The following VKORC1L1 variants were observed in gnomAD, a reference collection of about 807,000 sequenced individuals.
The protein encoded by VKORC1L1 is vitamin K epoxide reductase complex subunit 1-like protein 1.
A neutral mutation model predicts 18.9 loss-of-function variants in VKORC1L1; 2 were observed. That is an observed-to-expected ratio of 0.11 (90% CI 0.04 to 0.33). The LOEUF (loss-of-function observed/expected upper bound fraction) is 0.33, where lower values mean the gene tolerates loss of function less well. VKORC1L1 is among the 10% of genes least tolerant of loss of function. The pLI is 1.00. For missense variants in VKORC1L1, 123 were observed against 224.1 expected (o/e 0.55, Z 2.88); for synonymous variants, 96 against 100.0 (o/e 0.96, Z 0.24).
chr7:65,885,552 CTGAGCTCTTTTAGTT>C (rs1788997444), intron 1 of VKORC1L1, among the ~76,000 whole-genome samples: 2 of 151,644 alleles, frequency 1.3e-5, no homozygotes, highest in Admixed American at 6.6e-5. Flanking sequence ...TTTTTTCACA[CTGAGCTCTTTTAGTT>C]TGTATGGAAT....
chr7:65,949,104 T>C (rs1334607296), intron 2 of VKORC1L1, among the ~76,000 whole-genome samples: 2 of 152,170 alleles, frequency 1.3e-5, no homozygotes, highest in African/African-American at 4.8e-5. Context: ...ATATCATATA[T>C]TAAGGGGACA....
At chr7:65,944,929 AAAG>A (rs1344016336) in intron 1 of VKORC1L1, among the ~76,000 whole-genome samples, 5 of 152,078 alleles carry the variant, frequency 3.3e-5, no homozygotes, top group African/African-American at 1.2e-4. Flanking sequence ...AAAAAAAAAA[AAAG>A]CAACATTCTG....
Position 65,873,140 on chromosome 7 carries a change from C to A in VKORC1L1, c.-232C>A. ...TCCACCCCCTCCCTCCGCGCCCGCG[C>A]GCGCCTTCCCCGCCCCGTCCGCCTC... On this transcript the variant is annotated 5_prime_UTR_variant, in exon 1 of 3. Transcript: ENST00000360768. The A allele has an allele frequency of 2.9e-6, 1 of 345,434 alleles. No homozygotes were observed. The highest frequency in any genetic ancestry group is 4.1e-6 in the Non-Finnish European group (1 of 245,254). 21.4% of individuals were successfully genotyped at this position (345,434 alleles called of 1,614,324 possible).
intron 1 of VKORC1L1, among the ~76,000 whole-genome samples, chr7:65,924,370 A>C (rs1208871242): frequency 6.6e-6 from 1 of 152,170 alleles, no homozygotes; most frequent in Non-Finnish European, 1.5e-5. Flanking sequence ...CTGACTTTTC[A>C]TCCTAGAATG....
intron 1 of VKORC1L1, among the ~76,000 whole-genome samples, chr7:65,930,452 G>C (rs1313022533): frequency 1.3e-5 from 2 of 152,174 alleles, no homozygotes; most frequent in Admixed American, 1.3e-4. Context: ...TGCTGTGCTT[G>C]TTCCTAAATT....
chr7:65,921,922 G>A (rs773682916), intron 1 of VKORC1L1, among the ~76,000 whole-genome samples: 11 of 152,032 alleles, frequency 7.2e-5, no homozygotes, highest in Non-Finnish European at 1.5e-4. Context: ...TCCTGGCCTC[G>A]GGGATTCTTC....
At chr7:65,919,763 T>C (rs1270020848) in intron 1 of VKORC1L1, among the ~76,000 whole-genome samples, 2 of 152,082 alleles carry the variant, frequency 1.3e-5, no homozygotes, top group Non-Finnish European at 2.9e-5. Context: ...TTTAAAAATA[T>C]AAACAGTGGC....
chr7:65,895,480 A>AATATATATATAT (rs1162173957), intron 1 of VKORC1L1, among the ~76,000 whole-genome samples: 10 of 42,772 alleles, frequency 2.3e-4, no homozygotes, highest in Non-Finnish European at 3.9e-4. Context: ...AAAAAAAAAA[A>AATATATATATAT]ATATATATAT....
At chr7:65,902,269 C>CA (rs1341982170) in intron 1 of VKORC1L1, among the ~76,000 whole-genome samples, 5 of 151,800 alleles carry the variant, frequency 3.3e-5, no homozygotes, top group Non-Finnish European at 1.5e-5. Context: ...GCTGTCAGTT[C>CA]AAAAAAGTAG....
At chr7:65,882,163 T>C (rs969721045) in intron 1 of VKORC1L1, among the ~76,000 whole-genome samples, 1 of 151,936 alleles carries the variant, frequency 6.6e-6, no homozygotes, top group Non-Finnish European at 1.5e-5. Context: ...GTGGATCACC[T>C]GAGGTCGGGA....
chr7:65,899,844 A>C (rs1157234151), intron 1 of VKORC1L1, among the ~76,000 whole-genome samples: 1 of 152,126 alleles, frequency 6.6e-6, no homozygotes, highest in Admixed American at 6.6e-5. Context: ...TACTAAAAAT[A>C]CAAAAATTAG....
At chr7:65,867,857 CTAT>C in the VKORC1L1 span, among the ~76,000 whole-genome samples, 1 of 151,834 alleles carries the variant, frequency 6.6e-6, no homozygotes, top group African/African-American at 2.4e-5. Context: ...AGAGCACATG[CTAT>C]TATTATTATT....
At chr7:65,938,037 G>A (rs1008243325) in intron 1 of VKORC1L1, among the ~76,000 whole-genome samples, 17 of 151,906 alleles carry the variant, frequency 1.1e-4, no homozygotes, top group Non-Finnish European at 2.9e-5. Context: ...GTGAAACCCC[G>A]TCTCTACTGA....
chr7:65,896,849 A>C (rs1234755315), intron 1 of VKORC1L1, among the ~76,000 whole-genome samples: 4 of 152,060 alleles, frequency 2.6e-5, no homozygotes, highest in Non-Finnish European at 5.9e-5. Context: ...AAATACAAAA[A>C]TTAGCCAGGT....
At chr7:65,907,837 G>C (rs975532317) in intron 1 of VKORC1L1, among the ~76,000 whole-genome samples, 1 of 151,794 alleles carries the variant, frequency 6.6e-6, no homozygotes, top group African/African-American at 2.4e-5. Flanking sequence ...TACTCAGCTG[G>C]TTAACCTAAG....
intron 1 of VKORC1L1, among the ~76,000 whole-genome samples, chr7:65,895,900 T>C (rs1282309075): frequency 4.2e-5 from 6 of 143,540 alleles, no homozygotes; most frequent in Non-Finnish European, 3.1e-5. Flanking sequence ...ACTTCTTTTT[T>C]TTTTTTTTTT....
In VKORC1L1 at chr7:65,954,057, C is replaced by G; in HGVS notation, c.305-17C>G. ...CAGCACCAAGGCCTGACTGAGCCTGCGTCTCTTCTCTTACAGGCATGACAG... is the reference window on the plus strand; with the variant it reads ...CAGCACCAAGGCCTGACTGAGCCTGGGTCTCTTCTCTTACAGGCATGACAG... On this transcript the variant is annotated splice_polypyrimidine_tract_variant and intron_variant, in intron 2 of 2. Coordinates refer to ENST00000360768, the MANE Select transcript of VKORC1L1 (RefSeq NM_173517.6). The G allele has an allele frequency of 6.3e-7, 1 of 1,578,150 alleles. No homozygotes were observed. Among genetic ancestry groups the G allele is most frequent in the Non-Finnish European group, 8.6e-7 (1 of 1,156,336 alleles).
At chr7:65,928,698 G>A (rs761964585) in intron 1 of VKORC1L1, among the ~76,000 whole-genome samples, 6 of 152,144 alleles carry the variant, frequency 3.9e-5, no homozygotes, top group African/African-American at 9.7e-5. Context: ...GCTACTCTAC[G>A]TTTCCAAACA....
At chr7:65,922,256 T>C (rs1789689485) in intron 1 of VKORC1L1, among the ~76,000 whole-genome samples, 1 of 152,030 alleles carries the variant, frequency 6.6e-6, no homozygotes, top group African/African-American at 2.4e-5. Flanking sequence ...TTTGCAGTGC[T>C]TCTGTCTAGG....
Sources: allele counts gnomAD v4.1 joint callset (sites outside exome capture counted in the v4.1 genomes callset), GRCh38; gene constraint gnomAD v4.1.1; transcripts MANE v1.5; gene names NCBI Gene and HGNC (gene_info 2026-07-23, HGNC 2026-07-21).